NAV1: variants seen among roughly 807,000 people sequenced by gnomAD.
NAV1 encodes the protein pore membrane and/or filament interacting like protein 3.
In NAV1, 18 loss-of-function variants were observed where a neutral mutation model predicts 175.2. The observed-to-expected ratio is 0.10, with a 90% CI of 0.07 to 0.15. The LOEUF is 0.15. Among genes scored for constraint, NAV1 ranks in the 10% least tolerant of loss-of-function variants. NAV1 has a pLI of 1.00. For synonymous variants in NAV1, 897 were observed against 978.7 expected, an observed-to-expected ratio of 0.92 and a Z score of 1.56; for missense variants, 1,731 against 2,436.6, an observed-to-expected ratio of 0.71 and a Z score of 6.10.
Position 201,764,344 on chromosome 1 carries a change from G to A in NAV1, c.1227-16077G>A, listed in dbSNP as rs151167508. Among the ~76,000 whole-genome samples the A allele has an allele frequency of 1.1e-3, 172 of 152,250 alleles. 6 individuals are homozygous for A. The East Asian group carries it at 0.031, about 28-fold the overall frequency. ...CGAAGCCCAGCAGTGCAAAATCAAG[G>A]TGCCATCTGGGTTGGTTTCTGATGA... On this transcript the variant is annotated intron_variant, in intron 3 of 29. Transcript: ENST00000367296.
intron 8 of NAV1, 68 bp from the exon 13 acceptor site, chr1:201,786,361 T>A: frequency 2.0e-6 from 3 of 1,507,810 alleles, no homozygotes; most frequent in South Asian, 1.2e-5. Context: ...TCAGACACCC[T>A]CCGCACCAAC....
At position 201,782,106 on chromosome 1, in the gene NAV1, G is replaced by T. The variant is rs1012258191; in HGVS notation, c.1664-70G>T. ...ACAATGTTCCCTTCTCCCATGGAGG[G>T]AAAGAAAAGGGTGGGTTTTTAAGAT... On this transcript the variant is annotated intron_variant, in intron 5 of 29. Coordinates refer to ENST00000367296, the Ensembl canonical transcript of NAV1. This position sits in a 1 kb window ranked among gnomAD's most constrained non-coding sequence, Gnocchi z 5.4. 1 of 1,370,836 alleles carries T rather than the reference G, an allele frequency of 7.3e-7. No individual in the cohort carries two copies. The highest frequency in any genetic ancestry group is 1.5e-5 in the African/African-American group (1 of 68,796). 84.9% of individuals were successfully genotyped at this position (1,370,836 alleles called of 1,614,324 possible). A position where few individuals can be genotyped will look rare whatever the true frequency, so the allele number is the denominator to read the frequency against.
At chr1:201,576,560 G>GC (rs1490564982) in intron 1 of NAV1, among the ~76,000 whole-genome samples, 1 of 149,166 alleles carries the variant, frequency 6.7e-6, no homozygotes, top group East Asian at 2.1e-4. Flanking sequence ...GGGCAACACA[G>GC]CGAGACCCTC....
At chr1:201,776,384 A>G (rs866113052) in intron 3 of NAV1, among the ~76,000 whole-genome samples, 1 of 150,132 alleles carries the variant, frequency 6.7e-6, no homozygotes, top group Non-Finnish European at 1.5e-5. Flanking sequence ...GTTCACGCCT[A>G]TAATCCCAGC....
chr1:201,665,255 C>T (rs1669772727), intron 1 of NAV1, among the ~76,000 whole-genome samples: 1 of 151,972 alleles, frequency 6.6e-6, no homozygotes, highest in Non-Finnish European at 1.5e-5. Flanking sequence ...GCCTCGGCCA[C>T]TCCCGCAGAT....
Position 201,600,248 on chromosome 1 carries a change from C to T in NAV1, c.-33+11599C>T, listed in dbSNP as rs539431607. On this transcript the variant is annotated intron_variant, in intron 2 of 33. Transcript: ENST00000685211. ...TTGCTGAGTGAGCCTCCTCCCTTGA[C>T]TTGCTTTCTCTGTTTCTCTGTGACT... 2.0e-5 allele frequency among the ~76,000 whole-genome samples: 3 copies of T among 152,328 alleles called. No individual in the cohort carries two copies. In the East Asian group the frequency reaches 5.8e-4, roughly 29 times the overall value.
chr1:201,601,491 A>G (rs1223411485), intron 2 of NAV1, among the ~76,000 whole-genome samples: 1 of 152,168 alleles, frequency 6.6e-6, no homozygotes, highest in Non-Finnish European at 1.5e-5. Context: ...TAAAAAAAAT[A>G]TTCTAACCTC....
intron 3 of NAV1, among the ~76,000 whole-genome samples, chr1:201,775,456 G>A (rs979343462): frequency 2.6e-5 from 4 of 152,134 alleles, no homozygotes; most frequent in African/African-American, 7.2e-5. Flanking sequence ...CTATACTGAA[G>A]CCATAGTTGA....
chr1:201,639,282 A>G (rs1668685359), intron 2 of NAV1, among the ~76,000 whole-genome samples: 1 of 152,236 alleles, frequency 6.6e-6, no homozygotes, highest in Admixed American at 6.5e-5. Context: ...GCCAGATAGC[A>G]GAGGCCAGGG....
chr1:201,662,612 A>C (rs1463490327), intron 1 of NAV1, among the ~76,000 whole-genome samples: 3 of 152,174 alleles, frequency 2.0e-5, no homozygotes, highest in African/African-American at 7.2e-5. Flanking sequence ...TGGGGCTTGT[A>C]CCCACAGCAG....
chr1:201,610,815 C>T (rs112610225), intron 2 of NAV1, among the ~76,000 whole-genome samples: 1,547 of 152,300 alleles, frequency 0.01, 21 homozygotes, highest in African/African-American at 0.035. Context: ...GCTTAACGAT[C>T]TGATCTTACC....
rs1486600348 is a variant in NAV1, at chr1:201,810,527, G to C, written c.4566G>C (p.Leu1522=). ...CTTTCTGGGGTGGGGGTTCAGGTCT[G>C]AAGGAGAAATGCGTCGACAGCCTGG... The change falls in exon 24 of 30, where the codon CTG becomes CTC. Residue 1522 remains leucine (L), a synonymous_variant. Transcript: ENST00000367296. The surrounding 1 kb of genome is among the most constrained non-coding windows in gnomAD (Gnocchi z 6.0). 6.2e-7 allele frequency: 1 copy of C among 1,608,642 alleles called. No homozygotes were observed. The highest frequency in any genetic ancestry group is 8.5e-7 in the Non-Finnish European group (1 of 1,177,518).
At chr1:201,638,889 T>G (rs1668676330) in intron 2 of NAV1, among the ~76,000 whole-genome samples, 1 of 152,218 alleles carries the variant, frequency 6.6e-6, no homozygotes, top group Admixed American at 6.5e-5. Context: ...GAGCCCTTAC[T>G]AACTAACCTA....
chr1:201,547,937 G>A (rs1261974119), intron 1 of NAV1, among the ~76,000 whole-genome samples: 1 of 152,158 alleles, frequency 6.6e-6, no homozygotes, highest in Non-Finnish European at 1.5e-5. Context: ...GGGATTACGG[G>A]CACCTGCCAC....
chr1:201,747,369 A>G (rs1250165274), intron 3 of NAV1, among the ~76,000 whole-genome samples: 4 of 152,208 alleles, frequency 2.6e-5, no homozygotes, highest in African/African-American at 9.7e-5. Context: ...GATTTTGGTG[A>G]TCTGCCAACT....
chr1:201,653,569 A>T (rs1669288322), intron 1 of NAV1, among the ~76,000 whole-genome samples: 1 of 152,206 alleles, frequency 6.6e-6, no homozygotes, highest in Non-Finnish European at 1.5e-5. Context: ...TAGCAGGAGA[A>T]AGAAATGTGT....
intron 1 of NAV1, chr1:201,688,178 G>A (rs1374562127): frequency 6.6e-6 from 1 of 152,264 alleles, no homozygotes; most frequent in Admixed American, 6.5e-5. Context: ...CTGTTCTGAT[G>A]AGAGCAGGTC....
At chr1:201,752,258 T>C (rs1452926065) in intron 3 of NAV1, among the ~76,000 whole-genome samples, 2 of 152,206 alleles carry the variant, frequency 1.3e-5, no homozygotes, top group East Asian at 1.9e-4. Flanking sequence ...ATCCCCCCCA[T>C]GGTGAGGGTG....
intron 2 of NAV1, among the ~76,000 whole-genome samples, chr1:201,636,687 G>A (rs1050744736): frequency 3.9e-5 from 6 of 151,936 alleles, no homozygotes; most frequent in Admixed American, 1.3e-4. Flanking sequence ...CCTTCCAGGA[G>A]AAGGAAATGA....
Sources: gnomAD v4.1 joint callset for allele counts (sites outside exome capture counted in the v4.1 genomes callset) on GRCh38, gnomAD v4.1.1 for gene constraint, Gnocchi (gnomAD v3.1) non-coding constraint, MANE v1.5 for transcripts, NCBI Gene and HGNC (gene_info 2026-07-23, HGNC 2026-07-21) for gene names.